Variants in VILL observed in about 807,000 individuals in gnomAD.
VILL encodes the protein villin-like protein.
VILL carries 102 observed loss-of-function variants against 106.3 expected under a neutral mutation model. The ratio of observed to expected loss-of-function variants is 0.96; its 90% confidence interval spans 0.82 to 1.13. The LOEUF (loss-of-function observed/expected upper bound fraction) is 1.13, where lower values mean the gene tolerates loss of function less well. VILL is among the 50% of genes most tolerant of loss of function. The probability of loss-of-function intolerance (pLI) is 0.00; values close to 1 mark genes in which losing one functional copy is unlikely to be tolerated. For missense variants in VILL, 1,076 were observed against 1,116.6 expected (o/e 0.96, Z 0.52); for synonymous variants, 431 against 440.3 (o/e 0.98, Z 0.27).
chr3:38,001,223 C>T, intron 11 of VILL: 1 of 625,916 alleles, frequency 1.6e-6, no homozygotes, highest in Non-Finnish European at 2.7e-6. Context: ...GGGATTGGGC[C>T]CATCTCCCAA....
intron 1 of VILL, among the ~76,000 whole-genome samples, chr3:37,991,949 C>T (rs546464988): frequency 1.3e-5 from 2 of 152,232 alleles, no homozygotes; most frequent in East Asian, 3.9e-4. Flanking sequence ...GCGAGTGCGA[C>T]CTCAGCCCTG....
chr3:37,997,688 G>A lies in VILL; in HGVS notation c.764+3G>A. On this transcript the variant is annotated splice_donor_region_variant and intron_variant, in intron 7 of 19. Coordinates refer to ENST00000383759, the MANE Select transcript of VILL (RefSeq NM_015873.4). The surrounding 1 kb of genome is among the most constrained non-coding windows in gnomAD (Gnocchi z 4.7). ...AAGGCCAATGTTCGCCTGTACCAGT[G>A]AGTACCCCTGGGGTGGGCAGGGGTG... 1 of 1,226,650 alleles carries A rather than the reference G, an allele frequency of 8.2e-7. No individual in the cohort carries two copies. The highest frequency in any genetic ancestry group is 1.2e-5 in the South Asian group (1 of 84,190). The allele number at this position is 1,226,650 out of a possible 1,614,324, so 76.0% of individuals were successfully genotyped here.
chr3:38,006,268 C>G lies in VILL; in HGVS notation c.2205+16C>G, dbSNP rs375208984. ...GATAACAGCAGTGAGTCCTGGGGCC[C>G]CTAGCCTTCCCCACAGTGGCCTGGG... On this transcript the variant is annotated intron_variant, in intron 18 of 19. Coordinates refer to ENST00000383759, the MANE Select transcript of VILL (RefSeq NM_015873.4). 22 of 1,614,088 alleles carry G rather than the reference C, an allele frequency of 1.4e-5. No individual in the cohort carries two copies. Among genetic ancestry groups the G allele is most frequent in the Non-Finnish European group, 1.7e-5 (20 of 1,180,002 alleles).
intron 11 of VILL, among the ~76,000 whole-genome samples, chr3:37,999,996 A>G (rs1295726317): frequency 2.0e-5 from 3 of 152,278 alleles, no homozygotes; most frequent in African/African-American, 7.2e-5. Context: ...GTTGAGGGCT[A>G]CTTCCAGGCT....
In VILL at chr3:38,006,569, T is replaced by A. The variant is rs768035018; in HGVS notation, c.2326T>A (p.Ser776Thr). ...SENDLVRSPKSAGSRTSSSVS... is the reference protein window; with the variant it reads ...SENDLVRSPKTAGSRTSSSVS... ...GAATGATCTGGTGCGAAGCCCCAAGTCGGCTGGCAGCAGAACCAGCAGCTC... is the reference window on the plus strand; with the variant it reads ...GAATGATCTGGTGCGAAGCCCCAAGACGGCTGGCAGCAGAACCAGCAGCTC... Residue 776 changes from serine to threonine, a missense_variant, in exon 19 of 20, where the codon TCG (serine) becomes ACG (threonine). Coordinates refer to ENST00000383759, the MANE Select transcript of VILL (RefSeq NM_015873.4). The A allele has an allele frequency of 6.2e-7, 1 of 1,614,082 alleles. No individual in the cohort carries two copies. Among genetic ancestry groups the A allele is most frequent in the Non-Finnish European group, 8.5e-7 (1 of 1,179,996 alleles).
rs1164105518 is a variant in VILL, at chr3:37,998,628, GCTTT to G, written c.942+267_942+270del. 6.6e-6 allele frequency among the ~76,000 whole-genome samples: 1 copy of G among 152,134 alleles called. No individual in the cohort carries two copies. Among genetic ancestry groups the G allele is most frequent in the Non-Finnish European group, 1.5e-5 (1 of 68,022 alleles). ...GGGGCCCTACTGACTGGGCGGTCCC[GCTTT>G]CTGAGGGTGGGGCTGGGGAGGAGAC... On this transcript the variant is annotated intron_variant, in intron 9 of 19. Transcript: ENST00000383759. The surrounding 1 kb of genome is among the most constrained non-coding windows in gnomAD (Gnocchi z 4.1).
chr3:38,003,435 G>C, intron 15 of VILL, 122 bp downstream of exon 15: 2 of 1,291,788 alleles, frequency 1.5e-6, no homozygotes, highest in Non-Finnish European at 2.1e-6. Context: ...AGGACTCTCA[G>C]TTTCCCACTC....
chr3:37,994,114 G>A, intron 3 of VILL, 142 bp downstream of exon 3: 1 of 1,417,808 alleles, frequency 7.1e-7, no homozygotes, highest in African/African-American at 1.4e-5. Flanking sequence ...GGTTACCGTT[G>A]AGGCTTCTTA....
chr3:38,000,581 C>T (rs940132944), intron 11 of VILL, among the ~76,000 whole-genome samples: 2 of 152,028 alleles, frequency 1.3e-5, no homozygotes, highest in Non-Finnish European at 2.9e-5. Flanking sequence ...GGAAAGAGAG[C>T]CCTGGGACTC....
At chr3:37,991,554 G>A (rs1017968884) in intron 1 of VILL, among the ~76,000 whole-genome samples, 1 of 151,788 alleles carries the variant, frequency 6.6e-6, no homozygotes, top group Non-Finnish European at 1.5e-5. Context: ...AGTGGGGACA[G>A]AGGGAAACCC....
At position 37,998,856 on chromosome 3, in the gene VILL, G is replaced by T; in HGVS notation, c.943-56G>T. 2 of 1,548,464 alleles carry T rather than the reference G, an allele frequency of 1.3e-6. No individual in the cohort carries two copies. Among genetic ancestry groups the T allele is most frequent in the South Asian group, 2.3e-5 (2 of 85,620 alleles). On this transcript the variant is annotated intron_variant, in intron 9 of 19. Coordinates refer to ENST00000383759, the MANE Select transcript of VILL (RefSeq NM_015873.4). This position sits in a 1 kb window ranked among gnomAD's most constrained non-coding sequence, Gnocchi z 4.1. ...CCCAGAGCGGTAGGTCCCCAGGAGC[G>T]GCAGTGGGGCAGTGGACTCTCAGGG... is the stretch of plus-strand genomic sequence containing the variant.
chr3:38,000,433 T>G (rs1347380460), intron 11 of VILL, among the ~76,000 whole-genome samples: 41 of 127,490 alleles, frequency 3.2e-4, no homozygotes, highest in Admixed American at 6.4e-4. Flanking sequence ...GGAGGTGGGG[T>G]GGAGGAAGAG....
rs1699815365 is a variant in VILL at position 38,001,501 on chromosome 3, C to A, written c.1228C>A (p.Arg410Ser). The change falls in exon 12 of 20, where the codon CGT becomes AGT. Residue 410 changes from arginine (R) to serine (S), a missense_variant. Arg to Ser is a moderately radical substitution (Grantham distance 110). Transcript: ENST00000383759. ...DLHRQPVDPK[R>S]HGQLCAGNCY... ...ACACAGGCAGCCCGTGGACCCCAAGCGTCATGGACAGCTGTGTGCAGGCAA... is the reference window on the plus strand; with the variant it reads ...ACACAGGCAGCCCGTGGACCCCAAGAGTCATGGACAGCTGTGTGCAGGCAA... 6.2e-7 allele frequency: 1 copy of A among 1,614,222 alleles called. No individual in the cohort carries two copies. Among genetic ancestry groups the A allele is most frequent in the South Asian group, 1.1e-5 (1 of 91,090 alleles).
At chr3:38,002,093 C>A (rs1169798964) in intron 13 of VILL, 1 of 717,064 alleles carries the variant, frequency 1.4e-6, no homozygotes, top group Non-Finnish European at 2.3e-6. Flanking sequence ...CAGGGGCTTG[C>A]CTGGGGCTGC....
In VILL at chr3:38,001,232, A is replaced by G. The variant is rs543977201; in HGVS notation, c.1183-224A>G. 5 of 646,726 alleles carry G rather than the reference A, an allele frequency of 7.7e-6. No individual in the cohort carries two copies. The East Asian group carries it at 1.4e-4, about 18-fold the overall frequency. 40.1% of individuals were successfully genotyped at this position (646,726 alleles called of 1,614,324 possible). On this transcript the variant is annotated intron_variant, in intron 11 of 19. Transcript: ENST00000383759. The stretch of plus-strand genomic sequence containing the variant: ...GTGGCTGGGATTGGGCCCATCTCCC[A>G]AGTGTGGTGGGTTTCAGGGGTCCGT...
upstream of VILL, among the ~76,000 whole-genome samples, chr3:37,988,986 A>G (rs916809951): frequency 6.6e-6 from 1 of 152,208 alleles, no homozygotes; most frequent in African/African-American, 2.4e-5. Context: ...AATCTTAGGA[A>G]AAAAGATCCC....
intron 13 of VILL, 95 bp downstream of exon 13, chr3:38,001,955 G>C: frequency 6.4e-7 from 1 of 1,566,196 alleles, no homozygotes; most frequent in Admixed American, 1.8e-5. Context: ...CTTTGGGCCT[G>C]GGGCCTGCTT....
Position 37,998,123 on chromosome 3 carries a change from G to C in VILL, c.798G>C (p.Leu266=). Residue 266 remains leucine (L), a synonymous_variant, in exon 8 of 20, where the codon CTG becomes CTC. Coordinates refer to ENST00000383759, the MANE Select transcript of VILL (RefSeq NM_015873.4). This position sits in a 1 kb window ranked among gnomAD's most constrained non-coding sequence, Gnocchi z 4.1. ...AGAAGGGCAAAGACCTGGTGGTCCT[G>C]GAGTTGGCGACCCCCCCACTGACCC... is the stretch of plus-strand genomic sequence containing the variant. The part of the protein sequence containing the change: ...VYEKGKDLVV[L]ELATPPLTQD... 6.2e-7 allele frequency: 1 copy of C among 1,613,474 alleles called. No individual in the cohort carries two copies. The highest frequency in any genetic ancestry group is 1.6e-4 in the Middle Eastern group (1 of 6,062).
At chr3:38,005,714 G>C in intron 16 of VILL, 78 bp from the exon 17 acceptor site, 1 of 1,481,974 alleles carries the variant, frequency 6.7e-7, no homozygotes, top group Non-Finnish European at 9.1e-7. Flanking sequence ...GGGACAACTG[G>C]ACAGGGAGTG....
Sources: gnomAD v4.1 joint callset for allele counts (sites outside exome capture counted in the v4.1 genomes callset) on GRCh38, gnomAD v4.1.1 for gene constraint, Gnocchi (gnomAD v3.1) non-coding constraint, MANE v1.5 for transcripts, NCBI Gene and HGNC (gene_info 2026-07-23, HGNC 2026-07-21) for gene names.